The following ADAM23 variants were observed in gnomAD, a reference collection of about 807,000 sequenced individuals.
ADAM23 encodes the protein ADAM metallopeptidase domain 23.
A neutral mutation model predicts 120.1 loss-of-function variants in ADAM23; 33 were observed. That is an observed-to-expected ratio of 0.27 (90% CI 0.21 to 0.37). ADAM23 has a LOEUF of 0.37. Among genes scored for constraint, ADAM23 ranks in the 10% least tolerant of loss-of-function variants. The pLI is 1.00. For missense variants in ADAM23, 862 were observed against 1,058.2 expected (o/e 0.81, Z 2.57); for synonymous variants, 367 against 375.2 (o/e 0.98, Z 0.25).
At chr2:206,494,465 A>G (rs1696197313) in intron 3 of ADAM23, among the ~76,000 whole-genome samples, 1 of 152,184 alleles carries the variant, frequency 6.6e-6, no homozygotes, top group South Asian at 2.1e-4. Context: ...AATAAGATGC[A>G]GTTCGTTTAA....
At chr2:206,615,773 A>C (rs1437833182) in intron 25 of ADAM23, among the ~76,000 whole-genome samples, 1 of 152,192 alleles carries the variant, frequency 6.6e-6, no homozygotes, top group East Asian at 1.9e-4. Flanking sequence ...CCTAAGCTTC[A>C]AAAACCAGCT....
At chr2:206,487,685 T>G (rs371301758) in intron 3 of ADAM23, among the ~76,000 whole-genome samples, 2 of 152,248 alleles carry the variant, frequency 1.3e-5, no homozygotes, top group African/African-American at 4.8e-5. Flanking sequence ...TCCCTGTGCT[T>G]CTTTTAGCCC....
intron 3 of ADAM23, among the ~76,000 whole-genome samples, chr2:206,484,319 A>T (rs1695959117): frequency 6.6e-6 from 1 of 152,306 alleles, no homozygotes; most frequent in South Asian, 2.1e-4. Flanking sequence ...GGGAAGAATG[A>T]GTGAGGAAGC....
chr2:206,519,279 C>T (rs1696797646), intron 3 of ADAM23, among the ~76,000 whole-genome samples: 1 of 152,188 alleles, frequency 6.6e-6, no homozygotes, highest in Non-Finnish European at 1.5e-5. Context: ...AAAGAAGCTA[C>T]AAATGACTGA....
chr2:206,531,110 T>A (rs1697052912), intron 4 of ADAM23, among the ~76,000 whole-genome samples, 162 bp downstream of exon 4: 1 of 152,186 alleles, frequency 6.6e-6, no homozygotes, highest in Non-Finnish European at 1.5e-5. Flanking sequence ...AATATACAAA[T>A]GTTTGAGGTA....
In ADAM23 at chr2:206,560,135, G is replaced by A. The variant is rs572648372; in HGVS notation, c.1169+17G>A. 3.5e-5 allele frequency: 56 copies of A among 1,606,992 alleles called. 1 individual carries two copies. The South Asian group carries it at 5.6e-4, about 16-fold the overall frequency. On this transcript the variant is annotated intron_variant, in intron 11 of 25. Coordinates refer to ENST00000264377, the MANE Select transcript of ADAM23 (RefSeq NM_003812.4). ...CCTCATCTCGTACGTACTCATTTCAGCCTTTAGTGTAGTCTTTGGTCTGAC... is the reference window on the plus strand; with the variant it reads ...CCTCATCTCGTACGTACTCATTTCAACCTTTAGTGTAGTCTTTGGTCTGAC...
intron 3 of ADAM23, among the ~76,000 whole-genome samples, chr2:206,500,501 G>A (rs777026713): frequency 2.0e-5 from 3 of 152,090 alleles, no homozygotes; most frequent in East Asian, 1.9e-4. Flanking sequence ...CTATCTCAGC[G>A]GTGAATGATA....
chr2:206,570,035 C>G (rs1415441258), intron 15 of ADAM23, among the ~76,000 whole-genome samples: 1 of 152,168 alleles, frequency 6.6e-6, no homozygotes, highest in Non-Finnish European at 1.5e-5. Context: ...AGGCATGTTT[C>G]TCATAAACAG....
chr2:206,589,216 C>T (rs1698381827), intron 20 of ADAM23, among the ~76,000 whole-genome samples, 193 bp from the exon 21 acceptor site: 2 of 152,242 alleles, frequency 1.3e-5, no homozygotes, highest in South Asian at 4.1e-4. Context: ...ATTTTGGAAG[C>T]CCATGGATAT....
intron 15 of ADAM23, among the ~76,000 whole-genome samples, chr2:206,569,046 C>CA (rs1697944926): frequency 6.6e-6 from 1 of 152,148 alleles, no homozygotes; most frequent in Non-Finnish European, 1.5e-5. Context: ...CCAAAAGCTT[C>CA]AAAGTGTTCA....
intron 4 of ADAM23, among the ~76,000 whole-genome samples, chr2:206,540,057 C>T (rs1357142397): frequency 6.6e-6 from 1 of 152,068 alleles, no homozygotes; most frequent in African/African-American, 2.4e-5. Flanking sequence ...TGGTGCATGC[C>T]TGTAATCCCA....
intron 25 of ADAM23, among the ~76,000 whole-genome samples, chr2:206,614,978 C>T (rs6732127): frequency 0.13 from 20,354 of 151,964 alleles, 1,617 homozygotes; most frequent in African/African-American, 0.2. Flanking sequence ...CCCCAGCGCC[C>T]CAGGGAAGTG....
At chr2:206,474,559 A>G (rs945455727) in intron 2 of ADAM23, among the ~76,000 whole-genome samples, 1 of 152,010 alleles carries the variant, frequency 6.6e-6, no homozygotes, top group Non-Finnish European at 1.5e-5. Flanking sequence ...TGGCTGAGCT[A>G]CATTGGTCAC....
chr2:206,513,132 CTA>C (rs923403829), intron 3 of ADAM23, among the ~76,000 whole-genome samples: 1 of 152,082 alleles, frequency 6.6e-6, no homozygotes, highest in African/African-American at 2.4e-5. Flanking sequence ...ATACCGGCCT[CTA>C]TGTGTTTAAG....
At chr2:206,573,094 A>G (rs1698037636) in intron 17 of ADAM23, 21 bp from the exon 18 acceptor site, 1 of 1,611,778 alleles carries the variant, frequency 6.2e-7, no homozygotes, top group African/African-American at 1.3e-5. Flanking sequence ...CTAACTCTTA[A>G]TATTGAATTT....
intron 3 of ADAM23, among the ~76,000 whole-genome samples, chr2:206,482,853 T>G (rs532730523): frequency 6.6e-6 from 1 of 152,314 alleles, no homozygotes; most frequent in South Asian, 2.1e-4. Flanking sequence ...ATGCTTGAGC[T>G]AAATCTTGAA....
intron 3 of ADAM23, among the ~76,000 whole-genome samples, chr2:206,505,856 G>T (rs1176758666): frequency 6.6e-6 from 1 of 152,102 alleles, no homozygotes; most frequent in African/African-American, 2.4e-5. Context: ...CTGCATTCTG[G>T]CTCTGGATCT....
At chr2:206,506,372 C>T (rs1214019668) in intron 3 of ADAM23, among the ~76,000 whole-genome samples, 2 of 152,200 alleles carry the variant, frequency 1.3e-5, no homozygotes, top group East Asian at 3.9e-4. Flanking sequence ...AGAAGCAAAG[C>T]AGAATAGGGA....
chr2:206,609,617 G>A (rs1698791399), intron 24 of ADAM23: 1 of 324,070 alleles, frequency 3.1e-6, no homozygotes, highest in East Asian at 9.2e-5. Flanking sequence ...AAGAGAAGAA[G>A]GATGTGTAAA....
Sources: allele counts gnomAD v4.1 joint callset (sites outside exome capture counted in the v4.1 genomes callset), GRCh38; gene constraint gnomAD v4.1.1; transcripts MANE v1.5; gene names NCBI Gene and HGNC (gene_info 2026-07-23, HGNC 2026-07-21).